JARID2: variants seen among roughly 807,000 people sequenced by gnomAD.
JARID2 encodes the protein jumonji and AT-rich interaction domain containing 2, also known as protein Jumonji.
A neutral mutation model predicts 125.6 loss-of-function variants in JARID2; 21 were observed. The ratio of observed to expected loss-of-function variants is 0.17; its 90% CI spans 0.12 to 0.24. The LOEUF is 0.24. Ranked by LOEUF, JARID2 falls within the 10% of genes least tolerant of loss-of-function variation. JARID2 has a pLI of 1.00. For missense variants in JARID2, 1,303 were observed against 1,639.6 expected (o/e 0.79, Z 3.55); for synonymous variants, 736 against 661.6 (o/e 1.11, Z -1.73).
chr6:15,300,722 T>TGTGTGTGTGAGAGA (rs1246745065), intron 1 of JARID2, among the ~76,000 whole-genome samples: 1 of 111,118 alleles, frequency 9.0e-6, no homozygotes, highest in Non-Finnish European at 1.8e-5. Flanking sequence ...TGTGTGTGTG[T>TGTGTGTGTGAGAGA]GAGAGAGAGA....
chr6:15,267,660 G>A (rs1036970521), intron 1 of JARID2, among the ~76,000 whole-genome samples: 4 of 152,128 alleles, frequency 2.6e-5, no homozygotes, highest in Non-Finnish European at 5.9e-5. Flanking sequence ...CAGAAGTCCG[G>A]TGTGACGCGC....
At chr6:15,275,574 T>A (rs1440999275) in intron 1 of JARID2, among the ~76,000 whole-genome samples, 1 of 120,530 alleles carries the variant, frequency 8.3e-6, no homozygotes, top group Non-Finnish European at 1.6e-5. Context: ...ACCAGGTTTT[T>A]ACAGTAATAC....
intron 6 of JARID2, among the ~76,000 whole-genome samples, chr6:15,491,067 T>C (rs1770127728): frequency 6.6e-6 from 1 of 152,234 alleles, no homozygotes; most frequent in Non-Finnish European, 1.5e-5. Flanking sequence ...CCTAGTAAGA[T>C]TCAGAGAGGG....
chr6:15,483,563 A>G (rs1426923231), intron 5 of JARID2, among the ~76,000 whole-genome samples: 2 of 152,200 alleles, frequency 1.3e-5, no homozygotes, highest in African/African-American at 4.8e-5. Context: ...ATACCCATTA[A>G]ATGTACTGTA....
At chr6:15,264,363 A>G (rs1236228693) in intron 1 of JARID2, among the ~76,000 whole-genome samples, 2 of 152,074 alleles carry the variant, frequency 1.3e-5, no homozygotes, top group Non-Finnish European at 2.9e-5. Flanking sequence ...CAGTATTTGG[A>G]ATCTTATTTA....
intron 2 of JARID2, among the ~76,000 whole-genome samples, chr6:15,374,984 ATGCTTCCTTG>A: frequency 6.6e-6 from 1 of 152,274 alleles, no homozygotes; most frequent in Admixed American, 6.5e-5. Context: ...GTTTTTGTTT[ATGCTTCCTTG>A]GGGCAAGGAG....
At chr6:15,425,016 C>T (rs1250589567) in intron 3 of JARID2, among the ~76,000 whole-genome samples, 1 of 152,076 alleles carries the variant, frequency 6.6e-6, no homozygotes, top group Non-Finnish European at 1.5e-5. Context: ...TATTATCATC[C>T]CCATCCTACC....
rs1455226710 is a variant in JARID2 at position 15,428,407 on chromosome 6, C to A, written c.323+18042C>A. On this transcript the variant is annotated intron_variant, in intron 3 of 17. Transcript: ENST00000341776. ...TTAGCATTAGGTATGTCTCCTAATG[C>A]TATCCCTCCACCCTCCCGCCACCCC... Among the ~76,000 whole-genome samples the A allele has an allele frequency of 2.0e-5, 3 of 152,078 alleles. No homozygotes were observed. In the East Asian group the frequency reaches 5.8e-4, roughly 29 times the overall value.
rs969618586 is a variant in JARID2, at chr6:15,296,935, T to C, written c.45+50351T>C. On this transcript the variant is annotated intron_variant, in intron 1 of 17. Coordinates refer to ENST00000341776, the MANE Select transcript of JARID2 (RefSeq NM_004973.4). ...GCACCTCAGGGCTGGCCCTGTGGCCTTATCTTGGCTTCCTGCTTACATCCT... is the reference window on the plus strand; with the variant it reads ...GCACCTCAGGGCTGGCCCTGTGGCCCTATCTTGGCTTCCTGCTTACATCCT... 4.6e-5 allele frequency among the ~76,000 whole-genome samples: 7 copies of C among 152,354 alleles called. 1 individual carries two copies. In the East Asian group the frequency reaches 1.4e-3, roughly 29 times the overall value.
rs925761645 is a variant in JARID2 at position 15,280,061 on chromosome 6, C to T, written c.45+33477C>T. Among the ~76,000 whole-genome samples, 12 of 152,180 alleles carry T rather than the reference C, an allele frequency of 7.9e-5. 1 individual carries two copies. Among genetic ancestry groups the T allele is most frequent in the African/African-American group, 2.4e-4 (10 of 41,514 alleles). On this transcript the variant is annotated intron_variant, in intron 1 of 17. Transcript: ENST00000341776. ...CTAGACTGAAAAATTAACACCTGGT[C>T]GTATGTATGTATATTACCCATTGTC... is the stretch of plus-strand genomic sequence containing the variant.
intron 1 of JARID2, among the ~76,000 whole-genome samples, chr6:15,339,566 G>A (rs1352445158): frequency 8.5e-6 from 1 of 117,612 alleles, no homozygotes; most frequent in Non-Finnish European, 1.6e-5. Context: ...AGAGAGTTTC[G>A]CTCTTGTTAC....
chr6:15,300,301 T>C (rs534166559), intron 1 of JARID2, among the ~76,000 whole-genome samples: 1 of 152,286 alleles, frequency 6.6e-6, no homozygotes, highest in South Asian at 2.1e-4. Context: ...GTGTGATGTA[T>C]ATTTTAAGGA....
chr6:15,380,452 A>T (rs556773610), intron 2 of JARID2, among the ~76,000 whole-genome samples: 1 of 152,360 alleles, frequency 6.6e-6, no homozygotes, highest in East Asian at 1.9e-4. Context: ...GGGTATCAAA[A>T]ATGTAGACTG....
At chr6:15,435,269 T>C (rs1481891128) in intron 3 of JARID2, among the ~76,000 whole-genome samples, 1 of 152,238 alleles carries the variant, frequency 6.6e-6, no homozygotes, top group African/African-American at 2.4e-5. Context: ...ATGTTTTTGC[T>C]ACATACCTTA....
At chr6:15,402,573 G>A (rs1170276206) in intron 2 of JARID2, among the ~76,000 whole-genome samples, 1 of 152,040 alleles carries the variant, frequency 6.6e-6, no homozygotes, top group African/African-American at 2.4e-5. Flanking sequence ...AAAAAAAAAT[G>A]CCCTTGTGTT....
At chr6:15,422,387 G>T (rs1305938822) in intron 3 of JARID2, among the ~76,000 whole-genome samples, 1 of 152,124 alleles carries the variant, frequency 6.6e-6, no homozygotes, top group African/African-American at 2.4e-5. Context: ...TGTATTTCAC[G>T]CACTGTGCCT....
intron 2 of JARID2, among the ~76,000 whole-genome samples, chr6:15,393,171 C>G (rs1252244978): frequency 1.3e-5 from 2 of 151,636 alleles, no homozygotes; most frequent in Non-Finnish European, 1.5e-5. Flanking sequence ...CAGCTATCCT[C>G]ATGGTGTGTT....
intron 4 of JARID2, among the ~76,000 whole-genome samples, chr6:15,456,726 C>G (rs1768193224): frequency 6.6e-6 from 1 of 151,940 alleles, no homozygotes; most frequent in Non-Finnish European, 1.5e-5. Context: ...TCTTTTCTAT[C>G]TAGGATATCT....
chr6:15,441,695 C>T (rs143105876), intron 3 of JARID2, among the ~76,000 whole-genome samples: 202 of 152,258 alleles, frequency 1.3e-3, no homozygotes, highest in African/African-American at 3.7e-3. Context: ...CCTCACCTAC[C>T]GCACAACTCC....
Sources: gnomAD v4.1 joint callset for allele counts (sites outside exome capture counted in the v4.1 genomes callset) on GRCh38, gnomAD v4.1.1 for gene constraint, MANE v1.5 for transcripts, NCBI Gene and HGNC (gene_info 2026-07-23, HGNC 2026-07-21) for gene names.